The following TLK2 variants were observed in gnomAD, a reference collection of about 807,000 sequenced individuals.
TLK2 encodes serine/threonine-protein kinase tousled-like 2.
TLK2 carries 6 observed loss-of-function variants against 117.3 expected under a neutral mutation model. That is an observed-to-expected ratio of 0.05 (90% CI 0.03 to 0.10). The LOEUF is 0.10. Among genes scored for constraint, TLK2 ranks in the 10% least tolerant of loss-of-function variants. The pLI, the probability that TLK2 is intolerant of heterozygous loss-of-function variation, is 1.00. For missense variants in TLK2, 299 were observed against 901.2 expected, an observed-to-expected ratio of 0.33 and a Z score of 8.56; for synonymous variants, 257 against 316.7, an observed-to-expected ratio of 0.81 and a Z score of 2.00.
chr17:62,610,263 C>T (rs2083641093), intron 21 of TLK2, among the ~76,000 whole-genome samples: 1 of 152,184 alleles, frequency 6.6e-6, no homozygotes, highest in African/African-American at 2.4e-5. Flanking sequence ...TCTCCTGTGT[C>T]CCTGTTTCTC....
At chr17:62,502,659 A>G (rs1157401771) in intron 2 of TLK2, among the ~76,000 whole-genome samples, 1 of 152,216 alleles carries the variant, frequency 6.6e-6, no homozygotes, top group African/African-American at 2.4e-5. Flanking sequence ...AAAAGCTACT[A>G]GAATTTAAGT....
rs1342544644 is a variant in TLK2, at chr17:62,613,063, C to G, written c.*498C>G. 1 of 152,570 alleles carries G rather than the reference C, an allele frequency of 6.6e-6. No homozygotes were observed. The highest frequency in any genetic ancestry group is 1.9e-4 in the East Asian group (1 of 5,190). The allele number at this position is 152,570 out of a possible 1,614,324, so 9.5% of individuals were successfully genotyped here. On this transcript the variant is annotated 3_prime_UTR_variant, in exon 22 of 22. Coordinates refer to ENST00000346027, the MANE Select transcript of TLK2 (RefSeq NM_006852.6). The stretch of plus-strand genomic sequence containing the variant: ...CTCAGCTGGGGATGGTGTTTGACTT[C>G]GGAGGAAAAAAGTTGCTATTGCCCG...
intron 2 of TLK2, among the ~76,000 whole-genome samples, chr17:62,502,423 A>C (rs1330341420): frequency 6.6e-6 from 1 of 152,224 alleles, no homozygotes; most frequent in Admixed American, 6.5e-5. Flanking sequence ...TATGAAAAAT[A>C]TATAAGTAAC....
chr17:62,533,133 T>C (rs2076855549), intron 6 of TLK2, among the ~76,000 whole-genome samples: 1 of 151,834 alleles, frequency 6.6e-6, no homozygotes, highest in Admixed American at 6.6e-5. Context: ...TTGGTTTTTG[T>C]TTTACTGATA....
At chr17:62,495,784 G>A (rs1235712368) in intron 2 of TLK2, among the ~76,000 whole-genome samples, 2 of 151,198 alleles carry the variant, frequency 1.3e-5, no homozygotes, top group South Asian at 2.1e-4. Flanking sequence ...TCAGCCTCCC[G>A]AGTAGCTCGG....
chr17:62,563,470 C>T (rs1312304626), intron 10 of TLK2, among the ~76,000 whole-genome samples: 1 of 151,944 alleles, frequency 6.6e-6, no homozygotes, highest in Non-Finnish European at 1.5e-5. Flanking sequence ...AAAATAAATT[C>T]ACTAAAATAA....
chr17:62,612,435 T>G lies in TLK2; in HGVS notation c.2123T>G (p.Ile708Ser). The change falls in exon 22 of 22, where the codon ATT becomes AGT. Residue 708 changes from isoleucine to serine, a missense_variant. Physicochemically the swap from Ile to Ser is moderately radical, Grantham distance 142 (BLOSUM62 -2). Coordinates refer to ENST00000346027, the MANE Select transcript of TLK2 (RefSeq NM_006852.6). ...RCLAYRKEDR[I>S]DVQQLACDPY... is the part of the protein sequence containing the mutation. ...TTGGCCTACCGAAAGGAGGACCGCA[T>G]TGATGTCCAGCAGCTGGCCTGTGAT... 1 of 1,614,216 alleles carries G rather than the reference T, an allele frequency of 6.2e-7. No individual in the cohort carries two copies. The highest frequency in any genetic ancestry group is 8.5e-7 in the Non-Finnish European group (1 of 1,180,028).
intron 2 of TLK2, among the ~76,000 whole-genome samples, chr17:62,519,560 T>C (rs1340690810): frequency 6.6e-6 from 1 of 152,142 alleles, no homozygotes; most frequent in Non-Finnish European, 1.5e-5. Context: ...ACGTCTTTAA[T>C]CTCAGCACTT....
chr17:62,566,237 C>G (rs981916943), intron 11 of TLK2, among the ~76,000 whole-genome samples: 1 of 151,582 alleles, frequency 6.6e-6, no homozygotes, highest in Admixed American at 6.6e-5. Flanking sequence ...CTATAGACTG[C>G]CTTTCTTTCC....
upstream of TLK2, among the ~76,000 whole-genome samples, chr17:62,475,031 G>C (rs1243603822): frequency 1.3e-5 from 2 of 152,096 alleles, no homozygotes; most frequent in African/African-American, 4.8e-5. Flanking sequence ...GGGCGATAGA[G>C]CCAAACTTTG....
chr17:62,531,401 G>A (rs1364611311), intron 6 of TLK2, among the ~76,000 whole-genome samples: 3 of 152,076 alleles, frequency 2.0e-5, no homozygotes, highest in Non-Finnish European at 4.4e-5. Flanking sequence ...TGAAGAAAAA[G>A]AATTACATTT....
chr17:62,511,637 T>C (rs1207655443), intron 2 of TLK2, among the ~76,000 whole-genome samples: 1 of 152,242 alleles, frequency 6.6e-6, no homozygotes, highest in Admixed American at 6.5e-5. Context: ...CCCAAAGTGC[T>C]AGAATTACAG....
intron 11 of TLK2, among the ~76,000 whole-genome samples, chr17:62,572,359 A>G (rs1406343569): frequency 6.6e-6 from 1 of 152,068 alleles, no homozygotes; most frequent in Non-Finnish European, 1.5e-5. Context: ...GTATGTTTTT[A>G]TATACCAAGT....
chr17:62,602,306 T>G, intron 19 of TLK2, 126 bp downstream of exon 19: 1 of 887,688 alleles, frequency 1.1e-6, no homozygotes, highest in South Asian at 2.6e-5. Flanking sequence ...AAAGCAGACT[T>G]TCTCCCCAAA....
intron 3 of TLK2, among the ~76,000 whole-genome samples, chr17:62,521,937 A>G (rs1397942962): frequency 6.6e-6 from 1 of 152,162 alleles, no homozygotes; most frequent in Non-Finnish European, 1.5e-5. Flanking sequence ...TAAATATCTT[A>G]TGAAGGTTTT....
chr17:62,526,108 G>A (rs2076351884), intron 6 of TLK2, among the ~76,000 whole-genome samples: 1 of 152,160 alleles, frequency 6.6e-6, no homozygotes, highest in African/African-American at 2.4e-5. Flanking sequence ...CTATATGAAT[G>A]TGGCTGAGCC....
At chr17:62,499,685 A>T (rs1290391353) in intron 2 of TLK2, among the ~76,000 whole-genome samples, 2 of 151,816 alleles carry the variant, frequency 1.3e-5, no homozygotes, top group East Asian at 2.0e-4. Flanking sequence ...CCCTGTCTCT[A>T]CTAAAAATAC....
chr17:62,521,348 A>G (rs1445015961), intron 3 of TLK2, among the ~76,000 whole-genome samples: 1 of 152,222 alleles, frequency 6.6e-6, no homozygotes, highest in Non-Finnish European at 1.5e-5. Flanking sequence ...AGTAAAGGAT[A>G]GAAATTTGCA....
intron 13 of TLK2, among the ~76,000 whole-genome samples, chr17:62,578,064 T>C (rs2146720917): frequency 6.6e-6 from 1 of 152,112 alleles, no homozygotes; most frequent in East Asian, 1.9e-4. Flanking sequence ...TAAAAATAAG[T>C]AGAACTTAAG....
Sources: allele counts gnomAD v4.1 joint callset (sites outside exome capture counted in the v4.1 genomes callset), GRCh38; gene constraint gnomAD v4.1.1; transcripts MANE v1.5; gene names NCBI Gene and HGNC (gene_info 2026-07-23, HGNC 2026-07-21).